DBT: variants seen among roughly 807,000 people sequenced by gnomAD.
DBT encodes dihydrolipoamide branched chain transacylase E2.
A neutral mutation model predicts 51.3 loss-of-function variants in DBT; 40 were observed. The observed-to-expected ratio is 0.78, with a 90% CI of 0.61 to 1.02. The LOEUF is 1.02. DBT is among the 50% of genes least tolerant of loss of function. DBT has a pLI of 0.00. For missense variants in DBT, 510 were observed against 580.2 expected, an observed-to-expected ratio of 0.88 and a Z score of 1.24; for synonymous variants, 181 against 190.4, an observed-to-expected ratio of 0.95 and a Z score of 0.41.
rs1481747202 is a variant in DBT, at chr1:100,218,686, C to T, written c.495G>A (p.Glu165=). The T allele has an allele frequency of 6.2e-7, 1 of 1,613,834 alleles. No homozygotes were observed. Among genetic ancestry groups the T allele is most frequent in the Non-Finnish European group, 8.5e-7 (1 of 1,179,946 alleles). ...TTGCCAGTGTTTTTCGGCCCTTTATCTCTTGGTGTGTATGTTCATCATGAG... is the reference window on the plus strand; with the variant it reads ...TTGCCAGTGTTTTTCGGCCCTTTATTTCTTGGTGTGTATGTTCATCATGAG... ...AVSHDEHTHQ[E]IKGRKTLATP... is the part of the protein sequence containing the mutation. Residue 165 remains glutamate (E), a synonymous_variant, in exon 5 of 11, where the codon GAG becomes GAA. Transcript: ENST00000370132.
At chr1:100,201,907 A>G (rs1557941950) in intron 10 of DBT, among the ~76,000 whole-genome samples, 1 of 152,236 alleles carries the variant, frequency 6.6e-6, no homozygotes, top group Admixed American at 6.5e-5. Flanking sequence ...TGAAGGAAGC[A>G]CTAAACATGG....
chr1:100,196,144 T>C lies in DBT; in HGVS notation c.*111A>G, dbSNP rs1010531613. The C allele has an allele frequency of 4.1e-6, 4 of 975,614 alleles. No homozygotes were observed. The highest frequency in any genetic ancestry group is 2.9e-4 in the Middle Eastern group (1 of 3,508). The allele number at this position is 975,614 out of a possible 1,614,324, so 60.4% of individuals were successfully genotyped here. On this transcript the variant is annotated 3_prime_UTR_variant, in exon 11 of 11. Coordinates refer to ENST00000370132, the MANE Select transcript of DBT (RefSeq NM_001918.5). ...ATATTGTGCCTTAGATCCTTAATCA[T>C]ACGATACAAATCATTTACAATATAA...
chr1:100,209,458 A>C (rs1250747289), intron 8 of DBT, among the ~76,000 whole-genome samples: 1 of 152,124 alleles, frequency 6.6e-6, no homozygotes, highest in Non-Finnish European at 1.5e-5. Flanking sequence ...AGGAGATATT[A>C]AAATTAAAAT....
At chr1:100,196,959 A>C (rs1661153422) in intron 10 of DBT, 1 of 214,336 alleles carries the variant, frequency 4.7e-6, no homozygotes, top group African/African-American at 2.3e-5. Context: ...GGCCAAGGTC[A>C]ACACCTTGAT....
At position 100,225,826 on chromosome 1, in the gene DBT, CA is replaced by C. The variant is rs71084809; in HGVS notation, c.433+4906del. On this transcript the variant is annotated intron_variant, in intron 4 of 10. Coordinates refer to ENST00000370132, the MANE Select transcript of DBT (RefSeq NM_001918.5). ...GGAGACAGAGCAAGACTCCATCTCA[CA>C]AAAAAAAAAAAAAAAAAAAAATCAG... Among the ~76,000 whole-genome samples, 648 of 86,862 alleles carry C rather than the reference CA, an allele frequency of 7.5e-3. 5 individuals carry two copies. Among genetic ancestry groups the C allele is most frequent in the African/African-American group, 0.027 (579 of 21,232 alleles). 57.0% of individuals were successfully genotyped at this position (86,862 alleles called of 152,430 possible).
chr1:100,249,385 G>T (rs1664775395), intron 1 of DBT: 1 of 358,722 alleles, frequency 2.8e-6, no homozygotes, highest in Admixed American at 3.7e-5. Flanking sequence ...ATTCCTTGAG[G>T]GTAGGGGTCG....
At chr1:100,200,051 A>T (rs1171383275) in intron 10 of DBT, among the ~76,000 whole-genome samples, 1 of 151,994 alleles carries the variant, frequency 6.6e-6, no homozygotes, top group Non-Finnish European at 1.5e-5. Context: ...AGTAAGACAG[A>T]ACTGTGAGAG....
Position 100,213,384 on chromosome 1 carries a change from G to GC in DBT, c.939+1432dup, listed in dbSNP as rs1557947491. 1.9e-6 allele frequency: 3 copies of GC among 1,557,070 alleles called. No homozygotes were observed. The African/African-American group carries it at 4.1e-5, about 21-fold the overall frequency. On this transcript the variant is annotated intron_variant, in intron 7 of 10. Coordinates refer to ENST00000370132, the MANE Select transcript of DBT (RefSeq NM_001918.5). ...TACGCGTGAGGCCCGCACGGCTACGGCGCCATCCCCGCCGCGCCCCCGCAG... is the reference window on the plus strand; with the variant it reads ...TACGCGTGAGGCCCGCACGGCTACGGCCGCCATCCCCGCCGCGCCCCCGCAG...
chr1:100,215,240 A>C (rs1347878692), intron 6 of DBT, among the ~76,000 whole-genome samples: 1 of 152,216 alleles, frequency 6.6e-6, no homozygotes. Context: ...GTGTTATATA[A>C]AAAATTCAAA....
At chr1:100,248,235 C>T (rs1422789244) in intron 1 of DBT, among the ~76,000 whole-genome samples, 4 of 152,130 alleles carry the variant, frequency 2.6e-5, no homozygotes, top group Admixed American at 6.6e-5. Context: ...AAGAAGAAGT[C>T]GTAGCAGCCC....
rs985523277 is a variant in DBT, at chr1:100,237,134, C to G, written c.176-1623G>C. On this transcript the variant is annotated intron_variant, in intron 2 of 10. Transcript: ENST00000370132. ...GTTCATGAAGCTAGGCCTCAAAAGT[C>G]CGCACAGCTTCTCCCTTCTCCCTTT... is the stretch of plus-strand genomic sequence containing the variant. Among the ~76,000 whole-genome samples the G allele has an allele frequency of 7.2e-5, 11 of 152,196 alleles. 1 individual carries two copies. The highest frequency in any genetic ancestry group is 1.5e-4 in the Non-Finnish European group (10 of 68,042).
rs1414530307 is a variant in DBT, at chr1:100,193,489, A to G, written c.*2766T>C. 1 of 152,240 alleles carries G rather than the reference A, an allele frequency of 6.6e-6. No individual in the cohort carries two copies. Among genetic ancestry groups the G allele is most frequent in the Non-Finnish European group, 1.5e-5 (1 of 68,038 alleles). 9.4% of individuals were successfully genotyped at this position (152,240 alleles called of 1,614,324 possible). On this transcript the variant is annotated 3_prime_UTR_variant, in exon 11 of 11. Transcript: ENST00000370132. ...TGTCTCCTTACTAGACTGTAAGCCC[A>G]ATCAAGGAAGCATGAAGGTGGCTAC...
chr1:100,218,340 A>AT lies in DBT; in HGVS notation c.555+285dup, dbSNP rs1388375966. Among the ~76,000 whole-genome samples the AT allele has an allele frequency of 3.9e-5, 6 of 152,294 alleles. No individual in the cohort carries two copies. The East Asian group carries it at 1.2e-3, about 29-fold the overall frequency. On this transcript the variant is annotated intron_variant, in intron 5 of 10. Coordinates refer to ENST00000370132, the MANE Select transcript of DBT (RefSeq NM_001918.5). The stretch of plus-strand genomic sequence containing the variant: ...ATGCTGTGCCTCTAGAGCACCTGAC[A>AT]TAAGACCTGGTATTTACAAGTGCTC...
intron 7 of DBT, chr1:100,211,176 GAAC>G (rs1385954352): frequency 2.6e-6 from 2 of 771,326 alleles, no homozygotes; most frequent in Non-Finnish European, 4.8e-6. Context: ...TGTGTGGAAA[GAAC>G]ACGTAACGAG....
intron 4 of DBT, among the ~76,000 whole-genome samples, chr1:100,230,398 A>C (rs1230867499): frequency 6.6e-6 from 1 of 152,186 alleles, no homozygotes; most frequent in Non-Finnish European, 1.5e-5. Context: ...CTTATGTGGA[A>C]CAATGTATAA....
In DBT at chr1:100,192,414, A is replaced by G. The variant is rs1258278450; in HGVS notation, c.*3841T>C. On this transcript the variant is annotated 3_prime_UTR_variant, in exon 11 of 11. Transcript: ENST00000370132. Reference sequence around the variant, plus strand: ...TAAGTGCAGAATGAACTAACTAATCACTTACAGCCTGAATTTTACAAATGC... The same window carrying G: ...TAAGTGCAGAATGAACTAACTAATCGCTTACAGCCTGAATTTTACAAATGC... 6.6e-6 allele frequency: 1 copy of G among 152,230 alleles called. No individual in the cohort carries two copies. The highest frequency in any genetic ancestry group is 2.4e-5 in the African/African-American group (1 of 41,468). The allele number at this position is 152,230 out of a possible 1,614,324, so 9.4% of individuals were successfully genotyped here. A position where few individuals can be genotyped will look rare whatever the true frequency, so the allele number is the denominator to read the frequency against.
intron 8 of DBT, 37 bp from the exon 9 acceptor site, chr1:100,206,673 G>T: frequency 8.3e-7 from 1 of 1,198,398 alleles, no homozygotes; most frequent in South Asian, 1.2e-5. Context: ...GGCTTTTAAT[G>T]AATAAGCTAA....
chr1:100,206,172 T>C (rs1307745524), intron 10 of DBT, 58 bp downstream of exon 10: 2 of 1,145,988 alleles, frequency 1.7e-6, no homozygotes, highest in Non-Finnish European at 2.6e-6. Context: ...TTACTCTTCA[T>C]TGTGTTTAGT....
chr1:100,226,624 G>C (rs927953456), intron 4 of DBT, among the ~76,000 whole-genome samples: 1 of 152,014 alleles, frequency 6.6e-6, no homozygotes, highest in African/African-American at 2.4e-5. Context: ...CAAAGTAATA[G>C]GAAGCACCCC....
Sources: gnomAD v4.1 joint callset for allele counts (sites outside exome capture counted in the v4.1 genomes callset) on GRCh38, gnomAD v4.1.1 for gene constraint, MANE v1.5 for transcripts, NCBI Gene and HGNC (gene_info 2026-07-23, HGNC 2026-07-21) for gene names.